The following SLC14A2 variants were observed in gnomAD, a reference collection of about 807,000 sequenced individuals.
The protein encoded by SLC14A2 is urea transporter 2.
Under a neutral mutation model 104.6 loss-of-function variants are expected in SLC14A2, and 91 were observed. That is an observed-to-expected ratio of 0.87 (90% CI 0.73 to 1.04). The LOEUF (loss-of-function observed/expected upper bound fraction) is 1.04, where lower values mean the gene tolerates loss of function less well. Ranked by LOEUF, SLC14A2 falls within the 50% of genes least tolerant of loss-of-function variation. The pLI, the probability that SLC14A2 is intolerant of heterozygous loss-of-function variation, is 0.00. For synonymous variants in SLC14A2, 476 were observed against 466.4 expected (o/e 1.02, Z -0.27); for missense variants, 1,189 against 1,156.0 (o/e 1.03, Z -0.41).
intron 1 of SLC14A2, among the ~76,000 whole-genome samples, chr18:45,435,651 A>G (rs1369050069): frequency 6.6e-6 from 1 of 152,196 alleles, no homozygotes; most frequent in East Asian, 1.9e-4. Flanking sequence ...TGGCTGGGAC[A>G]TAAACTCCAA....
At chr18:45,372,380 G>A (rs1031243026) in intron 1 of SLC14A2, among the ~76,000 whole-genome samples, 6 of 151,880 alleles carry the variant, frequency 4.0e-5, no homozygotes, top group Admixed American at 1.3e-4. Context: ...TCATAGGGTC[G>A]TAGAATACTG....
chr18:45,506,242 T>C (rs2043282949), intron 2 of SLC14A2, among the ~76,000 whole-genome samples: 1 of 152,146 alleles, frequency 6.6e-6, no homozygotes, highest in South Asian at 2.1e-4. Context: ...CCCTTCACTT[T>C]ATCCTCACTT....
intron 1 of SLC14A2, among the ~76,000 whole-genome samples, chr18:45,414,757 A>ATATATATATATATATATAT (rs1555684043): frequency 3.9e-5 from 3 of 76,114 alleles, no homozygotes; most frequent in Non-Finnish European, 6.5e-5. Flanking sequence ...AAAAAAAAAA[A>ATATATATATATATATATAT]ATATATATAT....
intron 1 of SLC14A2, among the ~76,000 whole-genome samples, chr18:45,253,859 T>G (rs1715983642): frequency 6.6e-6 from 1 of 152,256 alleles, no homozygotes; most frequent in Admixed American, 6.5e-5. Context: ...GTTTTTACTA[T>G]AGTGTTCTCA....
At chr18:45,453,827 C>T (rs967449232) in intron 1 of SLC14A2, among the ~76,000 whole-genome samples, 3 of 149,270 alleles carry the variant, frequency 2.0e-5, no homozygotes, top group East Asian at 2.0e-4. Flanking sequence ...TAGCAAGTTC[C>T]GCTTTCTTTT....
chr18:45,608,083 G>A (rs143983706), intron 2 of SLC14A2, among the ~76,000 whole-genome samples: 2 of 152,314 alleles, frequency 1.3e-5, no homozygotes, highest in East Asian at 1.9e-4. Flanking sequence ...GTTAGAGTAC[G>A]ATGAATTTTT....
At chr18:45,538,278 TG>T (rs1185993033) in intron 2 of SLC14A2, among the ~76,000 whole-genome samples, 2 of 152,234 alleles carry the variant, frequency 1.3e-5, no homozygotes, top group African/African-American at 4.8e-5. Context: ...TGCCTCTTCC[TG>T]GGCCTGTTCC....
chr18:45,412,824 G>A (rs920966043), intron 1 of SLC14A2, among the ~76,000 whole-genome samples: 2 of 152,184 alleles, frequency 1.3e-5, no homozygotes, highest in African/African-American at 4.8e-5. Context: ...GGCCAGGCAG[G>A]TGGTCTAAGT....
chr18:45,514,728 A>G (rs80306019), intron 2 of SLC14A2, among the ~76,000 whole-genome samples: 3,447 of 152,288 alleles, frequency 0.023, 140 homozygotes, highest in African/African-American at 0.078. Flanking sequence ...TCATGCTATG[A>G]AGGATACAAA....
chr18:45,376,391 C>T (rs1473293696), intron 1 of SLC14A2, among the ~76,000 whole-genome samples: 1 of 152,134 alleles, frequency 6.6e-6, no homozygotes, highest in Non-Finnish European at 1.5e-5. Context: ...ACTCCAATTT[C>T]CACATCAGGG....
chr18:45,254,478 A>AG (rs1017368137), intron 1 of SLC14A2, among the ~76,000 whole-genome samples: 2 of 152,200 alleles, frequency 1.3e-5, no homozygotes, highest in Non-Finnish European at 2.9e-5. Flanking sequence ...AGGGGTCCTC[A>AG]GGGGAAGAGG....
At chr18:45,461,126 T>C (rs544237375) in intron 1 of SLC14A2, among the ~76,000 whole-genome samples, 1 of 152,282 alleles carries the variant, frequency 6.6e-6, no homozygotes, top group East Asian at 1.9e-4. Context: ...GCCCCTATTT[T>C]CTATTTTCTA....
At chr18:45,513,432 A>G (rs1272615632) in intron 2 of SLC14A2, among the ~76,000 whole-genome samples, 1 of 152,226 alleles carries the variant, frequency 6.6e-6, no homozygotes, top group Non-Finnish European at 1.5e-5. Flanking sequence ...CCAAGAACAA[A>G]GCATATTTTT....
chr18:45,329,808 G>A lies in SLC14A2; in HGVS notation c.-125+116617G>A, dbSNP rs74525803. Among the ~76,000 whole-genome samples the A allele has an allele frequency of 2.1e-3, 327 of 152,266 alleles. 3 individuals are homozygous for A. The highest frequency in any genetic ancestry group is 7.6e-3 in the African/African-American group (315 of 41,560). Reference sequence around the variant, plus strand: ...GAAGGAGATACTATACATGCATGGAGCCAACACAAAGAAACAAACAAACAA... The same window carrying A: ...GAAGGAGATACTATACATGCATGGAACCAACACAAAGAAACAAACAAACAA... On this transcript the variant is annotated intron_variant, in intron 1 of 20. Coordinates refer to the SLC14A2 transcript ENST00000586448.
At chr18:45,438,082 G>A (rs1441863207) in intron 1 of SLC14A2, 1 of 152,180 alleles carries the variant, frequency 6.6e-6, no homozygotes. Flanking sequence ...CATCAGAATG[G>A]TGATCTCAAC....
At chr18:45,642,018 A>T (rs1485475081) in intron 8 of SLC14A2, among the ~76,000 whole-genome samples, 1 of 152,182 alleles carries the variant, frequency 6.6e-6, no homozygotes, top group East Asian at 1.9e-4. Flanking sequence ...CCCATTTTAC[A>T]GATGAGGAAA....
chr18:45,472,487 C>G (rs1283865043), intron 1 of SLC14A2, among the ~76,000 whole-genome samples: 1 of 152,196 alleles, frequency 6.6e-6, no homozygotes. Context: ...ATTTACACTC[C>G]CACCAACAGT....
intron 1 of SLC14A2, among the ~76,000 whole-genome samples, chr18:45,446,777 T>C (rs939549448): frequency 1.3e-5 from 2 of 152,146 alleles, no homozygotes; most frequent in African/African-American, 4.8e-5. Flanking sequence ...AATAGGGGGT[T>C]AGGGAAGACC....
chr18:45,479,626 G>C (rs967487690), intron 1 of SLC14A2, among the ~76,000 whole-genome samples: 1 of 152,106 alleles, frequency 6.6e-6, no homozygotes, highest in African/African-American at 2.4e-5. Context: ...CTATATAGTC[G>C]GTTTTTCTTT....
Sources: allele counts gnomAD v4.1 joint callset (sites outside exome capture counted in the v4.1 genomes callset), GRCh38; gene constraint gnomAD v4.1.1; transcripts MANE v1.5; gene names NCBI Gene and HGNC (gene_info 2026-07-23, HGNC 2026-07-21).